Variants in MAP3K20 observed in about 807,000 individuals in gnomAD.
MAP3K20 encodes mitogen-activated protein kinase kinase kinase 20.
MAP3K20 carries 40 observed loss-of-function variants against 85.7 expected under a neutral mutation model. The observed-to-expected ratio is 0.47, with a 90% CI of 0.36 to 0.61. MAP3K20 has a LOEUF of 0.61. Ranked by LOEUF, MAP3K20 falls within the 20% of genes least tolerant of loss-of-function variation. MAP3K20 has a pLI of 0.00. For synonymous variants in MAP3K20, 325 were observed against 327.7 expected (o/e 0.99, Z 0.09); for missense variants, 817 against 961.7 (o/e 0.85, Z 1.99).
chr2:173,235,538 A>C (rs1684628388), intron 14 of MAP3K20, among the ~76,000 whole-genome samples: 1 of 152,224 alleles, frequency 6.6e-6, no homozygotes, highest in Non-Finnish European at 1.5e-5. Context: ...GAATCCATAG[A>C]GACAGAAAGC....
At chr2:173,217,315 A>G in intron 11 of MAP3K20, 65 bp downstream of exon 11, 1 of 1,365,436 alleles carries the variant, frequency 7.3e-7, no homozygotes, top group Non-Finnish European at 9.5e-7. Flanking sequence ...TGAGCATGGC[A>G]GCATGGCACC....
chr2:173,144,242 T>A (rs1458932305), intron 2 of MAP3K20, among the ~76,000 whole-genome samples: 1 of 151,790 alleles, frequency 6.6e-6, no homozygotes, highest in Non-Finnish European at 1.5e-5. Flanking sequence ...GGTGGGCAGA[T>A]CACAAGGTCA....
chr2:173,200,077 T>G (rs1009546207), intron 8 of MAP3K20, among the ~76,000 whole-genome samples: 17 of 152,222 alleles, frequency 1.1e-4, no homozygotes, highest in African/African-American at 3.9e-4. Context: ...TAATAGTTAG[T>G]TGAAAAAAGC....
intron 2 of MAP3K20, among the ~76,000 whole-genome samples, chr2:173,144,481 A>AAAAAG (rs1238294650): frequency 0.012 from 1,648 of 138,536 alleles, 17 homozygotes; most frequent in South Asian, 0.032. Context: ...AAAAAAAAAA[A>AAAAAG]AAAAGAAAAG....
intron 16 of MAP3K20, among the ~76,000 whole-genome samples, chr2:173,250,789 GGA>G (rs1685024786): frequency 6.6e-6 from 1 of 152,100 alleles, no homozygotes; most frequent in African/African-American, 2.4e-5. Context: ...GAATTTTTAG[GGA>G]GAGTTTCTTG....
At chr2:173,076,108 G>C in intron 1 of MAP3K20, 106 bp downstream of exon 1, 2 of 856,550 alleles carry the variant, frequency 2.3e-6, no homozygotes, top group South Asian at 1.1e-4. Flanking sequence ...GCCGGAGCCC[G>C]GGAGTCTAGG....
At chr2:173,225,945 A>G in intron 11 of MAP3K20, 2 of 984,894 alleles carry the variant, frequency 2.0e-6, no homozygotes, top group Non-Finnish European at 2.4e-6. Context: ...TGAGATAGCT[A>G]CAGTTCTATA....
At chr2:173,239,279 A>C in intron 15 of MAP3K20, 125 bp from the exon 16 acceptor site, 1 of 748,442 alleles carries the variant, frequency 1.3e-6, no homozygotes. Flanking sequence ...AGCTTAATCC[A>C]AAATAACCAA....
intron 11 of MAP3K20, among the ~76,000 whole-genome samples, chr2:173,220,469 G>A (rs535074431): frequency 3.7e-4 from 54 of 147,646 alleles, no homozygotes; most frequent in Admixed American, 1.7e-3. Context: ...ACATACTTAC[G>A]TCTAACTTAA....
At chr2:173,168,696 T>G (rs2106248973) in intron 2 of MAP3K20, among the ~76,000 whole-genome samples, 1 of 152,308 alleles carries the variant, frequency 6.6e-6, no homozygotes, top group African/African-American at 2.4e-5. Context: ...TGCCTTTCAT[T>G]GAAAAATACT....
chr2:173,163,617 G>A (rs1291862809), intron 2 of MAP3K20, among the ~76,000 whole-genome samples: 3 of 152,114 alleles, frequency 2.0e-5, no homozygotes, highest in Admixed American at 1.3e-4. Context: ...AGTATTCCAT[G>A]GTATGTATGT....
intron 1 of MAP3K20, among the ~76,000 whole-genome samples, chr2:173,090,074 T>G (rs1687249703): frequency 6.6e-6 from 1 of 152,218 alleles, no homozygotes; most frequent in Non-Finnish European, 1.5e-5. Flanking sequence ...ATAGTACACA[T>G]GGGATAAAAT....
At chr2:173,243,670 T>C (rs541029397) in intron 16 of MAP3K20, among the ~76,000 whole-genome samples, 1 of 152,318 alleles carries the variant, frequency 6.6e-6, no homozygotes, top group Admixed American at 6.5e-5. Flanking sequence ...CAGGCCAGAG[T>C]GCAGTGGCGC....
At chr2:173,087,675 C>T (rs188225260) in intron 1 of MAP3K20, among the ~76,000 whole-genome samples, 1 of 152,246 alleles carries the variant, frequency 6.6e-6, no homozygotes, top group Non-Finnish European at 1.5e-5. Context: ...TCAGACTGCT[C>T]AGTAGCCACA....
intron 11 of MAP3K20, among the ~76,000 whole-genome samples, chr2:173,220,344 G>T (rs73016813): frequency 0.021 from 3,140 of 152,264 alleles, 98 homozygotes; most frequent in African/African-American, 0.071. Context: ...TGACCACTGT[G>T]AGTGGTGACA....
chr2:173,239,530 C>CA, intron 16 of MAP3K20, 34 bp downstream of exon 16: 2 of 1,582,318 alleles, frequency 1.3e-6, no homozygotes. Flanking sequence ...GGATAAATCT[C>CA]AATCGAACTA....
At chr2:173,220,484 GAGAC>G (rs1446016731) in intron 11 of MAP3K20, among the ~76,000 whole-genome samples, 1 of 152,100 alleles carries the variant, frequency 6.6e-6, no homozygotes, top group African/African-American at 2.4e-5. Context: ...ACTTAAATGT[GAGAC>G]AGAATCTAGA....
At chr2:173,222,211 A>G in intron 11 of MAP3K20, 8 of 893,270 alleles carry the variant, frequency 9.0e-6, no homozygotes, top group Non-Finnish European at 1.1e-5. Context: ...GTCTCAAAAA[A>G]CAAAAAAAAG....
intron 14 of MAP3K20, among the ~76,000 whole-genome samples, chr2:173,233,296 T>C (rs1684564852): frequency 1.3e-5 from 2 of 152,262 alleles, no homozygotes; most frequent in South Asian, 4.1e-4. Flanking sequence ...TTTGTCATTA[T>C]GACCTGGAAC....
Sources: gnomAD v4.1 joint callset for allele counts (sites outside exome capture counted in the v4.1 genomes callset) on GRCh38, gnomAD v4.1.1 for gene constraint, MANE v1.5 for transcripts, NCBI Gene and HGNC (gene_info 2026-07-23, HGNC 2026-07-21) for gene names.